The following LPA variants were observed in gnomAD, a reference collection of about 807,000 sequenced individuals.
The protein encoded by LPA is lipoprotein(a).
LPA carries 199 observed loss-of-function variants against 197.9 expected under a neutral mutation model. The ratio of observed to expected loss-of-function variants is 1.01; its 90% confidence interval spans 0.90 to 1.13. The LOEUF (loss-of-function observed/expected upper bound fraction) is 1.13, where lower values mean the gene tolerates loss of function less well. LPA is among the 50% of genes most tolerant of loss of function. LPA has a pLI of 0.00. For synonymous variants in LPA, 715 were observed against 639.5 expected, an observed-to-expected ratio of 1.12 and a Z score of -1.78; for missense variants, 1,853 against 1,785.8, an observed-to-expected ratio of 1.04 and a Z score of -0.68.
chr6:160,589,497 C>G (rs930209198), intron 24 of LPA, 56 bp downstream of exon 24: 2 of 1,601,978 alleles, frequency 1.2e-6, no homozygotes, highest in African/African-American at 2.7e-5. Flanking sequence ...CATGGCTCTT[C>G]CAGGAGAAAT....
intron 1 of LPA, among the ~76,000 whole-genome samples, chr6:160,658,076 A>G (rs1780161386): frequency 6.6e-6 from 1 of 152,144 alleles, no homozygotes; most frequent in African/African-American, 2.4e-5. Flanking sequence ...CAAGCAGTGC[A>G]GGGTTTACAT....
At chr6:160,569,051 T>C (rs2115022502) in intron 28 of LPA, among the ~76,000 whole-genome samples, 1 of 152,334 alleles carries the variant, frequency 6.6e-6, no homozygotes, top group South Asian at 2.1e-4. Context: ...AAAATGGCCA[T>C]ACTGCCTAAG....
chr6:160,597,183 T>C (rs1222089328), intron 20 of LPA, among the ~76,000 whole-genome samples: 1 of 152,236 alleles, frequency 6.6e-6, no homozygotes, highest in African/African-American at 2.4e-5. Flanking sequence ...GACGTTTTTA[T>C]TGAGAACAAA....
intron 1 of LPA, among the ~76,000 whole-genome samples, chr6:160,655,639 C>A (rs557113146): frequency 2.4e-4 from 36 of 152,280 alleles, no homozygotes; most frequent in Middle Eastern, 3.4e-3. Context: ...AGGAATATCT[C>A]CATAGGTCTC....
In LPA at chr6:160,591,443, T is replaced by C. The variant is rs1364106262; in HGVS notation, c.3630-342A>G. 2.0e-5 allele frequency among the ~76,000 whole-genome samples: 3 copies of C among 152,214 alleles called. 1 individual carries two copies. The highest frequency in any genetic ancestry group is 4.8e-5 in the African/African-American group (2 of 41,466). The stretch of plus-strand genomic sequence containing the variant: ...CTGAGAGATTTTGAAGTGAGTCTTG[T>C]AGATTGTTTTATGCACGTACAAATG... On this transcript the variant is annotated intron_variant, in intron 22 of 38. Transcript: ENST00000316300.
At chr6:160,591,469 T>G (rs1779028859) in intron 22 of LPA, among the ~76,000 whole-genome samples, 1 of 152,236 alleles carries the variant, frequency 6.6e-6, no homozygotes, top group African/African-American at 2.4e-5. Context: ...CGTACAAATG[T>G]TTCTCTGTCT....
intron 30 of LPA, among the ~76,000 whole-genome samples, chr6:160,554,082 T>C (rs1778215779): frequency 6.6e-6 from 1 of 152,332 alleles, no homozygotes; most frequent in African/African-American, 2.4e-5. Context: ...AGTATTTTAT[T>C]AAGGTTATAC....
At chr6:160,591,933 C>A (rs62441936) in intron 22 of LPA, among the ~76,000 whole-genome samples, 2 of 151,964 alleles carry the variant, frequency 1.3e-5, no homozygotes, top group Admixed American at 6.6e-5. Context: ...TCATAGGAAC[C>A]CCCTTTTTTT....
In LPA at chr6:160,577,247, C is replaced by T. The variant is rs769200592; in HGVS notation, c.4520G>A (p.Gly1507Glu). 1.3e-5 allele frequency: 21 copies of T among 1,613,768 alleles called. No homozygotes were observed. The East Asian group carries it at 3.8e-4, about 29-fold the overall frequency. Residue 1507 changes from glycine (G) to glutamate (E), a missense_variant, in exon 28 of 39, where the codon GGA becomes GAA. By Grantham distance (98) the Gly-to-Glu change is moderately conservative (BLOSUM62 -2). Transcript: ENST00000316300. ...PVVQDCYHGD[G>E]RSYRGISSTT... ...GGAGGATATGCCTCGATAACTCCGT[C>T]CATCACCATGGTAGCAATCCTGGAC... is the stretch of plus-strand genomic sequence containing the variant.
At chr6:160,585,842 G>A (rs866497275) in intron 25 of LPA, among the ~76,000 whole-genome samples, 37 of 152,142 alleles carry the variant, frequency 2.4e-4, no homozygotes, top group Admixed American at 1.8e-3. Flanking sequence ...AAAAAACAAC[G>A]GAGATAAATG....
At chr6:160,565,071 G>A (rs1778427441) in intron 28 of LPA, among the ~76,000 whole-genome samples, 1 of 152,234 alleles carries the variant, frequency 6.6e-6, no homozygotes, top group Admixed American at 6.5e-5. Flanking sequence ...AGACCTGCCT[G>A]CCTCTGTAGA....
intron 1 of LPA, among the ~76,000 whole-genome samples, chr6:160,653,013 A>G (rs1262723383): frequency 6.6e-6 from 1 of 152,164 alleles, no homozygotes; most frequent in African/African-American, 2.4e-5. Context: ...TAACCAACTT[A>G]ATGGTAGATT....
intron 1 of LPA, among the ~76,000 whole-genome samples, chr6:160,651,066 C>T (rs950232578): frequency 6.6e-6 from 1 of 152,108 alleles, no homozygotes; most frequent in Non-Finnish European, 1.5e-5. Context: ...TTCTTGTGCC[C>T]AGCATCCTGC....
At chr6:160,535,239 G>T (rs1213151710) in intron 37 of LPA, among the ~76,000 whole-genome samples, 1 of 332 alleles carries the variant, frequency 3.0e-3, no homozygotes, top group Non-Finnish European at 6.9e-3. Flanking sequence ...GGATAGTGAT[G>T]ATGGTGGCAG....
chr6:160,657,554 A>G (rs1157864631), intron 1 of LPA, among the ~76,000 whole-genome samples: 1 of 152,038 alleles, frequency 6.6e-6, no homozygotes, highest in Non-Finnish European at 1.5e-5. Context: ...ACGCATCACC[A>G]TGCCCAGCTA....
chr6:160,591,103 T>A lies in LPA; in HGVS notation c.3630-2A>T, dbSNP rs546832646. On this transcript the variant is annotated splice_acceptor_variant, in intron 22 of 38. Coordinates refer to ENST00000316300, the MANE Select transcript of LPA (RefSeq NM_005577.4). LOFTEE classifies it high-confidence loss of function. ...CTGCAGTAGTTCCTGGTCAGGCCAC[T>A]GCAAATTACAAAACAATACAGTTCA... 2 of 1,613,366 alleles carry A rather than the reference T, an allele frequency of 1.2e-6. No homozygotes were observed. The highest frequency in any genetic ancestry group is 2.2e-5 in the East Asian group (1 of 44,794).
At chr6:160,536,705 T>A (rs1053049951) in intron 37 of LPA, among the ~76,000 whole-genome samples, 1 of 152,148 alleles carries the variant, frequency 6.6e-6, no homozygotes, top group Non-Finnish European at 1.5e-5. Context: ...CCCACACCCA[T>A]AGGTGCCCCT....
rs1019017949 is a variant in LPA at position 160,548,004 on chromosome 6, G to A, written c.5156-67C>T. On this transcript the variant is annotated intron_variant, in intron 31 of 38. Coordinates refer to ENST00000316300, the MANE Select transcript of LPA (RefSeq NM_005577.4). ...CCAGGCAGCCACATAGACCCAGGACGATACAGAATCAATGCAGTCATGTCA... is the reference window on the plus strand; with the variant it reads ...CCAGGCAGCCACATAGACCCAGGACAATACAGAATCAATGCAGTCATGTCA... 31 of 1,534,808 alleles carry A rather than the reference G, an allele frequency of 2.0e-5. No homozygotes were observed. In the African/African-American group the frequency reaches 3.4e-4, roughly 17 times the overall value.
At chr6:160,606,703 T>G (rs776233976) in intron 16 of LPA, 45 bp from the exon 17 acceptor site, 14 of 1,605,278 alleles carry the variant, frequency 8.7e-6, no homozygotes, top group Non-Finnish European at 1.1e-5. Context: ...TGGGACAATA[T>G]GCAGGGGCAC....
Sources: allele counts gnomAD v4.1 joint callset (sites outside exome capture counted in the v4.1 genomes callset), GRCh38; gene constraint gnomAD v4.1.1; transcripts MANE v1.5; gene names NCBI Gene and HGNC (gene_info 2026-07-23, HGNC 2026-07-21).